Variants in DTD2 observed in about 807,000 individuals in gnomAD.
DTD2 encodes the protein D-tyrosyl-tRNA deacylase 2 (putative).
In DTD2, 12 loss-of-function variants were observed where a neutral mutation model predicts 15.5. The observed-to-expected ratio is 0.77, with a 90% confidence interval of 0.50 to 1.25. DTD2 has a LOEUF of 1.25. DTD2 is among the 50% of genes most tolerant of loss of function. The pLI is 0.00. For synonymous variants in DTD2, 59 were observed against 77.3 expected, an observed-to-expected ratio of 0.76 and a Z score of 1.24; for missense variants, 170 against 201.1, an observed-to-expected ratio of 0.85 and a Z score of 0.93.
chr14:31,448,312 A>G lies in DTD2; in HGVS notation c.324T>C (p.Ser108=). The change falls in exon 3 of 3, where the codon TCT becomes TCC. Residue 108 remains serine (S), a synonymous_variant. Coordinates refer to ENST00000310850, the MANE Select transcript of DTD2 (RefSeq NM_080664.3). ...RLKGRNMQYH[S]NSGKEEGFEL... ...CAAACCCTTCTTCTTTTCCAGAGTT[A>G]GAGTGATATTGCATGTTTCTTCCTT... 6.2e-7 allele frequency: 1 copy of G among 1,614,198 alleles called. No homozygotes were observed. The highest frequency in any genetic ancestry group is 8.5e-7 in the Non-Finnish European group (1 of 1,180,034).
chr14:31,451,147 CTTTT>C (rs1057016355), intron 2 of DTD2, among the ~76,000 whole-genome samples: 9 of 129,942 alleles, frequency 6.9e-5, no homozygotes, highest in African/African-American at 1.4e-4. Context: ...ACATTATGTT[CTTTT>C]TTTTTTTTTT....
At chr14:31,448,771 G>A (rs1185825442) in intron 2 of DTD2, among the ~76,000 whole-genome samples, 1 of 152,192 alleles carries the variant, frequency 6.6e-6, no homozygotes, top group African/African-American at 2.4e-5. Flanking sequence ...TGTTCCCCTG[G>A]GGGAATACAT....
intron 1 of DTD2, among the ~76,000 whole-genome samples, chr14:31,456,539 T>A (rs2032096972): frequency 6.6e-6 from 1 of 152,216 alleles, no homozygotes; most frequent in South Asian, 2.1e-4. Context: ...TTTCTGAGTA[T>A]CTACAAAAGT....
At chr14:31,454,611 C>T (rs2032075183) in intron 1 of DTD2, among the ~76,000 whole-genome samples, 1 of 152,198 alleles carries the variant, frequency 6.6e-6, no homozygotes, top group African/African-American at 2.4e-5. Flanking sequence ...TATTTGGACA[C>T]ATGCAATGTC....
intron 2 of DTD2, among the ~76,000 whole-genome samples, chr14:31,450,081 T>C (rs12893465): frequency 0.35 from 53,681 of 152,086 alleles, 10,438 homozygotes; most frequent in Non-Finnish European, 0.42. Context: ...TTCATTCCAC[T>C]CGAAATCACT....
chr14:31,457,444 C>T lies in DTD2; in HGVS notation c.-51G>A. The T allele has an allele frequency of 7.5e-7, 1 of 1,339,450 alleles. No homozygotes were observed. Among genetic ancestry groups the T allele is most frequent in the East Asian group, 2.9e-5 (1 of 34,316 alleles). The allele number at this position is 1,339,450 out of a possible 1,614,324, so 83.0% of individuals were successfully genotyped here. Reference sequence around the variant, plus strand: ...CAGTTACTAGGCCATGTGTCGCTGGCCCCTCCCTCGACGCGCTGGCGGGGC... The same window carrying T: ...CAGTTACTAGGCCATGTGTCGCTGGTCCCTCCCTCGACGCGCTGGCGGGGC... On this transcript the variant is annotated 5_prime_UTR_variant, in exon 1 of 3. Transcript: ENST00000310850.
At chr14:31,453,772 T>G (rs987539731) in intron 1 of DTD2, among the ~76,000 whole-genome samples, 1 of 152,226 alleles carries the variant, frequency 6.6e-6, no homozygotes, top group Non-Finnish European at 1.5e-5. Context: ...ACATCATCTC[T>G]CTTTATTTCC....
intron 1 of DTD2, chr14:31,457,047 G>A (rs1293128419): frequency 5.4e-6 from 3 of 559,832 alleles, no homozygotes; most frequent in African/African-American, 1.9e-5. Flanking sequence ...CCCCCAAGAA[G>A]GGAGACACGC....
rs573614956 is a variant in DTD2, at chr14:31,456,726, G to C, written c.111+557C>G. 7.2e-5 allele frequency among the ~76,000 whole-genome samples: 11 copies of C among 152,340 alleles called. 1 individual carries two copies. In the South Asian group the frequency reaches 1.9e-3, roughly 26 times the overall value. ...ACATAAATGTTTTAAATTCTTTGGA[G>C]AAATGTGTTTGATAAGGCAACATTG... On this transcript the variant is annotated intron_variant, in intron 1 of 2. Transcript: ENST00000310850.
At chr14:31,450,372 A>AG (rs1566796354) in intron 2 of DTD2, among the ~76,000 whole-genome samples, 1 of 152,230 alleles carries the variant, frequency 6.6e-6, no homozygotes, top group Non-Finnish European at 1.5e-5. Context: ...AATGATGTAT[A>AG]GGAGATGTTA....
chr14:31,450,157 G>A (rs2032014314), intron 2 of DTD2, among the ~76,000 whole-genome samples: 1 of 152,198 alleles, frequency 6.6e-6, no homozygotes, highest in African/African-American at 2.4e-5. Context: ...ACAGGCCTGA[G>A]AGGTAATGCT....
chr14:31,447,919 G>A lies in DTD2; in HGVS notation c.*210C>T. 4 of 523,854 alleles carry A rather than the reference G, an allele frequency of 7.6e-6. No homozygotes were observed. The South Asian group carries it at 1.2e-4, about 16-fold the overall frequency. The allele number at this position is 523,854 out of a possible 1,614,324, so 32.5% of individuals were successfully genotyped here. On this transcript the variant is annotated 3_prime_UTR_variant, in exon 3 of 3. Transcript: ENST00000310850. ...CAAATTTTCAAGTAGAAGGGTAGAG[G>A]AATGTAGGACAAAAGGTGACTGAGA...
At chr14:31,455,550 CAA>C (rs1196931988) in intron 1 of DTD2, among the ~76,000 whole-genome samples, 5 of 68,758 alleles carry the variant, frequency 7.3e-5, no homozygotes, top group Middle Eastern at 9.4e-3. Flanking sequence ...GACTCTGTCT[CAA>C]AAAAAAAAAA....
chr14:31,448,346 C>G lies in DTD2; in HGVS notation c.290G>C (p.Gly97Ala). 6.2e-7 allele frequency: 1 copy of G among 1,614,184 alleles called. No homozygotes were observed. The highest frequency in any genetic ancestry group is 8.5e-7 in the Non-Finnish European group (1 of 1,180,032). Reference protein sequence around the residue: ...ILIIPQATLGGRLKGRNMQYH... With the variant: ...ILIIPQATLGARLKGRNMQYH... The stretch of plus-strand genomic sequence containing the variant: ...TTGCATGTTTCTTCCTTTTAGTCTT[C>G]CTCCAAGGGTAGCTTGAGGGATAAT... Residue 97 changes from glycine to alanine, a missense_variant, in exon 3 of 3, where the codon GGA becomes GCA. Coordinates refer to ENST00000310850, the MANE Select transcript of DTD2 (RefSeq NM_080664.3).
chr14:31,448,427 C>T lies in DTD2; in HGVS notation c.209G>A (p.Ser70Asn), dbSNP rs2031989360. 6.2e-7 allele frequency: 1 copy of T among 1,612,976 alleles called. No homozygotes were observed. The highest frequency in any genetic ancestry group is 1.7e-5 in the Admixed American group (1 of 59,850). The change falls in exon 3 of 3, where the codon AGT (serine) becomes AAT (asparagine). Residue 70 changes from serine to asparagine, a missense_variant. Transcript: ENST00000310850. ...MVNTLLNVKL[S>N]ETENGKHVSI... ...GACATGCTTGCCATTTTCTGTCTCA[C>T]TTAATTTCACATTTAACAGTGTATT...
chr14:31,447,993 G>A lies in DTD2; in HGVS notation c.*136C>T. The A allele has an allele frequency of 2.7e-6, 2 of 731,066 alleles. No homozygotes were observed. The highest frequency in any genetic ancestry group is 2.7e-5 in the East Asian group (1 of 36,914). The allele number at this position is 731,066 out of a possible 1,614,324, so 45.3% of individuals were successfully genotyped here. A position where few individuals can be genotyped will look rare whatever the true frequency, so the allele number is the denominator to read the frequency against. On this transcript the variant is annotated 3_prime_UTR_variant, in exon 3 of 3. Coordinates refer to ENST00000310850, the MANE Select transcript of DTD2 (RefSeq NM_080664.3). ...AAGTCATCCAATTAGCAGGTGCAGA[G>A]TTATATATGAAACCCAAGATTTTCC...
intron 2 of DTD2, chr14:31,452,938 CTTT>C (rs552520429): frequency 4.7e-4 from 67 of 142,480 alleles, no homozygotes; most frequent in Middle Eastern, 3.5e-3. Context: ...TTCTCACTCT[CTTT>C]TTTTTTTTTT....
rs1049622537 is a variant in DTD2, at chr14:31,457,461, T to TGGCGGGGCAGACGA, written c.-82_-69dup. The TGGCGGGGCAGACGA allele has an allele frequency of 1.3e-5, 15 of 1,159,190 alleles. No individual in the cohort carries two copies. The African/African-American group carries it at 2.1e-4, about 16-fold the overall frequency. 71.8% of individuals were successfully genotyped at this position (1,159,190 alleles called of 1,614,324 possible). On this transcript the variant is annotated 5_prime_UTR_variant, in exon 1 of 3. Coordinates refer to ENST00000310850, the MANE Select transcript of DTD2 (RefSeq NM_080664.3). ...GTCGCTGGCCCCTCCCTCGACGCGC[T>TGGCGGGGCAGACGA]GGCGGGGCAGACGAGGCGGGGCACG...
At chr14:31,449,489 C>A (rs4981848) in intron 2 of DTD2, among the ~76,000 whole-genome samples, 150,988 of 152,346 alleles carry the variant, frequency 0.99, 74,829 homozygotes, top group Middle Eastern at 1. Context: ...TACACATATA[C>A]GAAAACGTGA....
Sources: gnomAD v4.1 joint callset for allele counts (sites outside exome capture counted in the v4.1 genomes callset) on GRCh38, gnomAD v4.1.1 for gene constraint, MANE v1.5 for transcripts, NCBI Gene and HGNC (gene_info 2026-07-23, HGNC 2026-07-21) for gene names.